The following DTD1 variants were observed in gnomAD, a reference collection of about 807,000 sequenced individuals.
The protein encoded by DTD1 is D-tyrosyl-tRNA deacylase 1 homolog.
DTD1 carries 13 observed loss-of-function variants against 25.6 expected under a neutral mutation model. The ratio of observed to expected loss-of-function variants is 0.51; its 90% CI spans 0.33 to 0.81. The LOEUF (loss-of-function observed/expected upper bound fraction) is 0.81, where lower values mean the gene tolerates loss of function less well. Among genes scored for constraint, DTD1 ranks in the 30% least tolerant of loss-of-function variants. DTD1 has a pLI of 0.02. For missense variants in DTD1, 193 were observed against 266.4 expected (o/e 0.72, Z 1.92); for synonymous variants, 110 against 103.6 (o/e 1.06, Z -0.37).
chr20:18,606,930 A>AAT (rs1681632306), intron 3 of DTD1, among the ~76,000 whole-genome samples: 1 of 151,104 alleles, frequency 6.6e-6, no homozygotes, highest in Non-Finnish European at 1.5e-5. Context: ...AGTATAATAA[A>AAT]AAAAAAAAAG....
At chr20:18,745,626 C>A (rs1033356691) in intron 5 of DTD1, among the ~76,000 whole-genome samples, 1 of 152,026 alleles carries the variant, frequency 6.6e-6, no homozygotes, top group African/African-American at 2.4e-5. Flanking sequence ...AAGAGAAGAG[C>A]AGTGCAAATG....
intron 3 of DTD1, among the ~76,000 whole-genome samples, chr20:18,607,425 C>T (rs1456618244): frequency 1.3e-5 from 2 of 152,122 alleles, no homozygotes; most frequent in East Asian, 3.9e-4. Context: ...CCCCAAAGTG[C>T]TGGGATTACA....
At chr20:18,691,324 C>T (rs1021254678) in intron 4 of DTD1, among the ~76,000 whole-genome samples, 1 of 152,158 alleles carries the variant, frequency 6.6e-6, no homozygotes, top group South Asian at 2.1e-4. Context: ...CTTATATGTT[C>T]ATCACAGTGC....
chr20:18,728,895 A>G (rs2061231304), intron 4 of DTD1, among the ~76,000 whole-genome samples: 2 of 152,258 alleles, frequency 1.3e-5, no homozygotes, highest in South Asian at 4.1e-4. Flanking sequence ...ACTTCCTCCC[A>G]GGAGTGACAA....
intron 5 of DTD1, among the ~76,000 whole-genome samples, chr20:18,748,325 T>C (rs1197000265): frequency 2.0e-5 from 3 of 152,242 alleles, no homozygotes; most frequent in African/African-American, 7.2e-5. Flanking sequence ...ATTTAATGTC[T>C]TGATTTTTGC....
chr20:18,671,680 T>G (rs2060951571), intron 4 of DTD1, among the ~76,000 whole-genome samples: 1 of 152,252 alleles, frequency 6.6e-6, no homozygotes, highest in Admixed American at 6.5e-5. Flanking sequence ...TATATTTGCT[T>G]AATTTCTGAT....
chr20:18,744,469 G>A (rs1318541949), intron 5 of DTD1, among the ~76,000 whole-genome samples, 198 bp downstream of exon 5: 1 of 152,120 alleles, frequency 6.6e-6, no homozygotes, highest in Non-Finnish European at 1.5e-5. Context: ...ACATACCTGA[G>A]ACTGAGTAAT....
intron 3 of DTD1, among the ~76,000 whole-genome samples, chr20:18,608,439 G>A (rs556701303): frequency 1.3e-5 from 2 of 151,692 alleles, no homozygotes; most frequent in East Asian, 3.9e-4. Flanking sequence ...ATGTGCTGCT[G>A]AAGCAAGCAC....
At chr20:18,654,798 TAA>T (rs35791362) in intron 4 of DTD1, among the ~76,000 whole-genome samples, 3,466 of 150,232 alleles carry the variant, frequency 0.023, 76 homozygotes, top group African/African-American at 0.046. Context: ...GAAAGCTCAT[TAA>T]AAAAAAAAAA....
rs2061311673 is a variant in DTD1, at chr20:18,749,006, G to C, written c.*19+4735G>C. Reference sequence around the variant, plus strand: ...CATGCCATCATGGGGCCCTTGGGAAGAGGCAGGCAAAAGAGGAGGAAGAGG... The same window carrying C: ...CATGCCATCATGGGGCCCTTGGGAACAGGCAGGCAAAAGAGGAGGAAGAGG... On this transcript the variant is annotated intron_variant, in intron 5 of 5. Transcript: ENST00000377452. The surrounding 1 kb of genome is among the most constrained non-coding windows in gnomAD (Gnocchi z 4.2). 6.6e-6 allele frequency among the ~76,000 whole-genome samples: 1 copy of C among 152,222 alleles called. No individual in the cohort carries two copies. Among genetic ancestry groups the C allele is most frequent in the South Asian group, 2.1e-4 (1 of 4,832 alleles).
intron 4 of DTD1, among the ~76,000 whole-genome samples, chr20:18,630,158 G>T (rs913263870): frequency 6.6e-6 from 1 of 151,978 alleles, no homozygotes; most frequent in Non-Finnish European, 1.5e-5. Flanking sequence ...ACATGAAAAT[G>T]TAAGCTTTTT....
chr20:18,608,746 T>A (rs561919085), intron 3 of DTD1, among the ~76,000 whole-genome samples: 1 of 152,294 alleles, frequency 6.6e-6, no homozygotes, highest in African/African-American at 2.4e-5. Flanking sequence ...TAGATTTAGG[T>A]CTCTGCTTAC....
chr20:18,708,323 T>TATATATA (rs2061143362), intron 4 of DTD1, among the ~76,000 whole-genome samples: 1 of 42,456 alleles, frequency 2.4e-5, no homozygotes, highest in African/African-American at 7.8e-5. Flanking sequence ...ATATATATTA[T>TATATATA]ATATATATAT....
chr20:18,717,291 ACAGTGGTACAGTATGTAC>A (rs1418051456), intron 4 of DTD1, among the ~76,000 whole-genome samples: 1 of 152,188 alleles, frequency 6.6e-6, no homozygotes, highest in Non-Finnish European at 1.5e-5. Context: ...CAAAATGATT[ACAGTGGTACAGTATGTAC>A]CACAGTTAGT....
chr20:18,591,691 G>A (rs983225740), intron 1 of DTD1, among the ~76,000 whole-genome samples: 9 of 151,784 alleles, frequency 5.9e-5, no homozygotes, highest in Admixed American at 3.9e-4. Flanking sequence ...ATAACTTCAT[G>A]ACCTTTATTT....
chr20:18,668,659 G>A (rs777122228), intron 4 of DTD1, among the ~76,000 whole-genome samples: 8 of 152,166 alleles, frequency 5.3e-5, no homozygotes, highest in Non-Finnish European at 1.2e-4. Flanking sequence ...TTACTGTGAG[G>A]TGTTTTCTTC....
chr20:18,748,945 T>C (rs944072839), intron 5 of DTD1, among the ~76,000 whole-genome samples: 4 of 152,138 alleles, frequency 2.6e-5, no homozygotes, highest in Admixed American at 6.5e-5. Context: ...GTTGTGTTTT[T>C]CCTTCCCCTT....
Position 18,759,855 on chromosome 20 carries a change from G to A in DTD1, c.*20-3505G>A, listed in dbSNP as rs186515298. Among the ~76,000 whole-genome samples the A allele has an allele frequency of 4.3e-4, 65 of 152,188 alleles. 1 individual carries two copies. The highest frequency in any genetic ancestry group is 1.3e-3 in the African/African-American group (54 of 41,496). Reference sequence around the variant, plus strand: ...TTTCCAACTTGGTTCCATTCTCCCCGTCACTTTCAGGTACACCAATCAGAT... The same window carrying A: ...TTTCCAACTTGGTTCCATTCTCCCCATCACTTTCAGGTACACCAATCAGAT... On this transcript the variant is annotated intron_variant, in intron 5 of 5. Coordinates refer to ENST00000377452, the MANE Select transcript of DTD1 (RefSeq NM_080820.6).
At chr20:18,623,851 C>A (rs1022251954) in intron 3 of DTD1, among the ~76,000 whole-genome samples, 1 of 139,328 alleles carries the variant, frequency 7.2e-6, no homozygotes, top group Non-Finnish European at 1.6e-5. Context: ...TCTCTTACTT[C>A]TCAACAGTAC....
Sources: gnomAD v4.1 joint callset for allele counts (sites outside exome capture counted in the v4.1 genomes callset) on GRCh38, gnomAD v4.1.1 for gene constraint, Gnocchi (gnomAD v3.1) non-coding constraint, MANE v1.5 for transcripts, NCBI Gene and HGNC (gene_info 2026-07-23, HGNC 2026-07-21) for gene names.